The following MDGA2 variants were observed in gnomAD, a reference collection of about 807,000 sequenced individuals.
MDGA2 encodes the protein MAM domain-containing glycosylphosphatidylinositol anchor protein 2.
A neutral mutation model predicts 117.8 loss-of-function variants in MDGA2; 40 were observed. The observed-to-expected ratio is 0.34, with a 90% confidence interval of 0.26 to 0.44. The LOEUF (loss-of-function observed/expected upper bound fraction) is 0.44, where lower values mean the gene tolerates loss of function less well. Ranked by LOEUF, MDGA2 falls within the 20% of genes least tolerant of loss-of-function variation. MDGA2 has a pLI of 1.00. For missense variants in MDGA2, 1,123 were observed against 1,250.6 expected (o/e 0.90, Z 1.54); for synonymous variants, 452 against 439.0 (o/e 1.03, Z -0.37).
chr14:47,039,765 T>C (rs1888994292), intron 7 of MDGA2, among the ~76,000 whole-genome samples: 2 of 152,198 alleles, frequency 1.3e-5, no homozygotes, highest in African/African-American at 4.8e-5. Flanking sequence ...AAGACATTTA[T>C]ATTAAGTGGG....
chr14:47,364,822 A>G (rs1891197656), intron 1 of MDGA2, among the ~76,000 whole-genome samples: 1 of 152,236 alleles, frequency 6.6e-6, no homozygotes, highest in South Asian at 2.1e-4. Flanking sequence ...TGTCCTCTTG[A>G]TATTTTAAGT....
At chr14:47,048,483 G>A (rs959242913) in intron 7 of MDGA2, among the ~76,000 whole-genome samples, 9 of 152,008 alleles carry the variant, frequency 5.9e-5, no homozygotes, top group Non-Finnish European at 1.0e-4. Flanking sequence ...AAGGCCATTT[G>A]TCTCCTTGTA....
At chr14:47,067,031 C>G (rs533763470) in intron 6 of MDGA2, among the ~76,000 whole-genome samples, 7 of 152,290 alleles carry the variant, frequency 4.6e-5, no homozygotes, top group Admixed American at 1.3e-4. Context: ...AGGAGAAACT[C>G]TTGAACCCGG....
At chr14:47,295,549 G>C (rs1271149175) in intron 2 of MDGA2, among the ~76,000 whole-genome samples, 1 of 151,978 alleles carries the variant, frequency 6.6e-6, no homozygotes, top group Non-Finnish European at 1.5e-5. Flanking sequence ...AAATGTTTGA[G>C]GTCAACTGAG....
At chr14:47,000,172 T>C (rs1232206712) in intron 8 of MDGA2, among the ~76,000 whole-genome samples, 1 of 150,940 alleles carries the variant, frequency 6.6e-6, no homozygotes, top group Non-Finnish European at 1.5e-5. Context: ...ATGCCAGATA[T>C]ATTTAATTCT....
intron 1 of MDGA2, among the ~76,000 whole-genome samples, chr14:47,371,683 G>C (rs1227033135): frequency 1.3e-5 from 2 of 151,590 alleles, no homozygotes; most frequent in Admixed American, 1.3e-4. Context: ...TTTTCCAACT[G>C]TAAGAATAAG....
At chr14:47,648,649 A>C (rs1298604106) in intron 1 of MDGA2, among the ~76,000 whole-genome samples, 2 of 152,162 alleles carry the variant, frequency 1.3e-5, no homozygotes, top group Non-Finnish European at 2.9e-5. Context: ...GATCTATGGC[A>C]GACAGGGGAC....
intron 2 of MDGA2, among the ~76,000 whole-genome samples, chr14:47,248,694 A>G (rs1284456799): frequency 6.6e-6 from 1 of 152,178 alleles, no homozygotes; most frequent in Non-Finnish European, 1.5e-5. Context: ...TGAGCATCAG[A>G]TAATTGTAAA....
intron 1 of MDGA2, among the ~76,000 whole-genome samples, chr14:47,502,430 T>C (rs991044651): frequency 6.6e-6 from 1 of 152,136 alleles, no homozygotes; most frequent in Non-Finnish European, 1.5e-5. Context: ...TTCTGTCTCA[T>C]GTGTAAAACA....
Position 47,049,987 on chromosome 14 carries a change from G to C in MDGA2, c.1525+11262C>G, listed in dbSNP as rs535191342. Among the ~76,000 whole-genome samples, 6 of 152,022 alleles carry C rather than the reference G, an allele frequency of 3.9e-5. No individual in the cohort carries two copies. The South Asian group carries it at 1.0e-3, about 26-fold the overall frequency. ...AATTTCACCCAACAGGACTTGCCAG[G>C]CTCCAATTCCTTAGTCAAATAGGTC... On this transcript the variant is annotated intron_variant, in intron 7 of 16. Coordinates refer to ENST00000399232, the MANE Select transcript of MDGA2 (RefSeq NM_001113498.3).
At chr14:47,061,170 AC>A in intron 7 of MDGA2, 78 bp downstream of exon 7, 1 of 1,333,794 alleles carries the variant, frequency 7.5e-7, no homozygotes, top group East Asian at 2.3e-5. Context: ...AATATTTTTA[AC>A]TAAAACCTAC....
chr14:47,551,306 G>A (rs557149926), intron 1 of MDGA2, among the ~76,000 whole-genome samples: 4 of 152,208 alleles, frequency 2.6e-5, no homozygotes, highest in South Asian at 4.1e-4. Flanking sequence ...GATTTCTGAT[G>A]ACCAGCTCAG....
At chr14:47,396,612 A>C (rs192069311) in intron 1 of MDGA2, among the ~76,000 whole-genome samples, 1,604 of 152,348 alleles carry the variant, frequency 0.011, 21 homozygotes, top group Middle Eastern at 0.031. Context: ...TAATATCCAG[A>C]ATCTACAAAG....
intron 5 of MDGA2, among the ~76,000 whole-genome samples, chr14:47,128,240 A>G (rs1882004111): frequency 6.6e-6 from 1 of 152,192 alleles, no homozygotes. Context: ...ATAGAAAAAT[A>G]CATGACAAGA....
intron 1 of MDGA2, among the ~76,000 whole-genome samples, chr14:47,350,834 T>C (rs528190575): frequency 6.6e-6 from 1 of 152,216 alleles, no homozygotes; most frequent in Admixed American, 6.5e-5. Context: ...AAGGGAGTTC[T>C]GAGTGCAGTG....
intron 14 of MDGA2, among the ~76,000 whole-genome samples, chr14:46,873,114 G>A (rs1882080969): frequency 6.6e-6 from 1 of 151,926 alleles, no homozygotes. Context: ...GTCGAAGCAT[G>A]TTTCTTCGGA....
intron 10 of MDGA2, among the ~76,000 whole-genome samples, chr14:46,900,296 T>C (rs1288763270): frequency 6.6e-6 from 1 of 152,168 alleles, no homozygotes; most frequent in Non-Finnish European, 1.5e-5. Context: ...TAAAATAGTT[T>C]GGCAGTTTCT....
chr14:47,647,224 A>G (rs574403469), intron 1 of MDGA2, among the ~76,000 whole-genome samples: 109 of 152,298 alleles, frequency 7.2e-4, no homozygotes, highest in African/African-American at 2.5e-3. Context: ...CTGCTCAAAC[A>G]TTTTGGAGGC....
At chr14:47,428,760 T>C (rs1440205967) in intron 1 of MDGA2, among the ~76,000 whole-genome samples, 1 of 152,050 alleles carries the variant, frequency 6.6e-6, no homozygotes, top group Non-Finnish European at 1.5e-5. Context: ...TATTTGTGTA[T>C]ACATACCCAC....
Sources: allele counts gnomAD v4.1 joint callset (sites outside exome capture counted in the v4.1 genomes callset), GRCh38; gene constraint gnomAD v4.1.1; transcripts MANE v1.5; gene names NCBI Gene and HGNC (gene_info 2026-07-23, HGNC 2026-07-21).